The following PRKCB variants were observed in gnomAD, a reference collection of about 807,000 sequenced individuals.
PRKCB encodes protein kinase C beta type.
A neutral mutation model predicts 81.5 loss-of-function variants in PRKCB; 13 were observed. The observed-to-expected ratio is 0.16, with a 90% CI of 0.10 to 0.25. The LOEUF is 0.25. Among genes scored for constraint, PRKCB ranks in the 10% least tolerant of loss-of-function variants. The pLI is 1.00. For synonymous variants in PRKCB, 335 were observed against 321.4 expected (o/e 1.04, Z -0.45); for missense variants, 509 against 875.7 (o/e 0.58, Z 5.29).
chr16:23,983,370 T>C (rs916055654), intron 2 of PRKCB, among the ~76,000 whole-genome samples: 1 of 152,184 alleles, frequency 6.6e-6, no homozygotes, highest in Non-Finnish European at 1.5e-5. Context: ...CACATCATGC[T>C]GGGGTTCACT....
intron 2 of PRKCB, among the ~76,000 whole-genome samples, chr16:23,888,390 G>A (rs1187974447): frequency 6.6e-6 from 1 of 152,216 alleles, no homozygotes; most frequent in Non-Finnish European, 1.5e-5. Context: ...CTAGGAGATG[G>A]TGGGTCCTCA....
At chr16:24,204,839 T>C (rs1968018966) in intron 16 of PRKCB, among the ~76,000 whole-genome samples, 1 of 152,118 alleles carries the variant, frequency 6.6e-6, no homozygotes, top group South Asian at 2.1e-4. Context: ...AAATTTTTTA[T>C]GGCCAGGCAC....
At chr16:24,185,233 C>T in intron 14 of PRKCB, 42 bp downstream of exon 14, 2 of 1,540,262 alleles carry the variant, frequency 1.3e-6, no homozygotes, top group East Asian at 2.2e-5. Context: ...GTCCTCCCTA[C>T]CCCCATCCAC....
chr16:24,181,206 C>T (rs1967616278), intron 13 of PRKCB, among the ~76,000 whole-genome samples: 1 of 152,176 alleles, frequency 6.6e-6, no homozygotes, highest in Non-Finnish European at 1.5e-5. Flanking sequence ...CTTCGTCAAA[C>T]TGTTGTGGCT....
At chr16:23,987,637 G>A (rs1301031370) in intron 2 of PRKCB, among the ~76,000 whole-genome samples, 1 of 152,070 alleles carries the variant, frequency 6.6e-6, no homozygotes, top group African/African-American at 2.4e-5. Flanking sequence ...GTGTCACTAG[G>A]GATGGCCTTG....
intron 2 of PRKCB, among the ~76,000 whole-genome samples, chr16:23,884,025 C>T (rs1047683205): frequency 2.0e-5 from 3 of 152,140 alleles, no homozygotes; most frequent in Non-Finnish European, 4.4e-5. Context: ...TATTTTACTT[C>T]CCCGCATAGC....
At chr16:24,112,747 T>C (rs551304913) in intron 7 of PRKCB, among the ~76,000 whole-genome samples, 40 of 152,270 alleles carry the variant, frequency 2.6e-4, no homozygotes, top group African/African-American at 9.1e-4. Flanking sequence ...ACATTTTTTT[T>C]CTGCTGTCCA....
intron 2 of PRKCB, among the ~76,000 whole-genome samples, chr16:23,909,517 T>C (rs1328636536): frequency 6.6e-6 from 1 of 152,186 alleles, no homozygotes; most frequent in African/African-American, 2.4e-5. Flanking sequence ...TTTTATTACA[T>C]GGGTATATTG....
intron 2 of PRKCB, among the ~76,000 whole-genome samples, chr16:23,866,317 A>T (rs1413275309): frequency 6.6e-6 from 1 of 152,194 alleles, no homozygotes; most frequent in Non-Finnish European, 1.5e-5. Context: ...AGTCAGCTAG[A>T]TTTTGTGACC....
intron 16 of PRKCB, among the ~76,000 whole-genome samples, chr16:24,201,773 C>T (rs368919750): frequency 1.3e-5 from 2 of 152,226 alleles, no homozygotes; most frequent in East Asian, 1.9e-4. Flanking sequence ...TGGTGGCTCA[C>T]GCCTATAATC....
rs1457843013 is a variant in PRKCB, at chr16:24,113,430, TTC to T, written c.918+369_918+370del. Among the ~76,000 whole-genome samples the T allele has an allele frequency of 2.0e-5, 3 of 151,282 alleles. No homozygotes were observed. The East Asian group carries it at 5.8e-4, about 29-fold the overall frequency. On this transcript the variant is annotated intron_variant, in intron 8 of 16. Transcript: ENST00000643927. ...CTTTCCCTCTCATTCTTTCTTTTCT[TTC>T]TCTCTCTGTCCTTCCTTTGTTTCTT...
chr16:24,184,189 TTAAAGATC>T (rs1967668295), intron 13 of PRKCB, among the ~76,000 whole-genome samples: 1 of 152,234 alleles, frequency 6.6e-6, no homozygotes, highest in Admixed American at 6.5e-5. Context: ...ACTGGCTTTA[TTAAAGATC>T]TATTGCCCAT....
chr16:24,074,669 A>G (rs1389609749), intron 5 of PRKCB, among the ~76,000 whole-genome samples: 1 of 152,252 alleles, frequency 6.6e-6, no homozygotes. Context: ...TAGGAATGAC[A>G]TGATAAGATC....
chr16:23,988,158 A>G (rs1014985133), intron 2 of PRKCB, among the ~76,000 whole-genome samples: 1 of 152,212 alleles, frequency 6.6e-6, no homozygotes, highest in Non-Finnish European at 1.5e-5. Context: ...ACACAAGCCA[A>G]CTACTTCATC....
intron 2 of PRKCB, among the ~76,000 whole-genome samples, chr16:23,981,570 C>T (rs1567333267): frequency 8.3e-6 from 1 of 120,434 alleles, no homozygotes; most frequent in African/African-American, 3.1e-5. Flanking sequence ...TTCTTCTTTC[C>T]TTTCTTTTCC....
Position 24,009,780 on chromosome 16 carries a change from G to C in PRKCB, c.288+21190G>C, listed in dbSNP as rs138504055. 5.2e-4 allele frequency among the ~76,000 whole-genome samples: 79 copies of C among 152,030 alleles called. 1 individual carries two copies. Among genetic ancestry groups the C allele is most frequent in the Admixed American group, 5.0e-3 (76 of 15,276 alleles). Reference sequence around the variant, plus strand: ...TGTAATCCCAGCACTTTGGGAGGCCGAGGTAGGGGGGATCACTTGAGGTCA... The same window carrying C: ...TGTAATCCCAGCACTTTGGGAGGCCCAGGTAGGGGGGATCACTTGAGGTCA... On this transcript the variant is annotated intron_variant, in intron 3 of 16. Coordinates refer to ENST00000643927, the MANE Select transcript of PRKCB (RefSeq NM_002738.7).
At chr16:24,042,143 GT>G in intron 5 of PRKCB, among the ~76,000 whole-genome samples, 1 of 152,112 alleles carries the variant, frequency 6.6e-6, no homozygotes, top group East Asian at 1.9e-4. Flanking sequence ...TGTCATGGGG[GT>G]TTGTGTAATA....
rs398029038 is a variant in PRKCB at position 23,886,406 on chromosome 16, G to GTTTT, written c.205+49023_205+49026dup. 2.0e-3 allele frequency among the ~76,000 whole-genome samples: 140 copies of GTTTT among 70,218 alleles called. 15 individuals carry two copies. The highest frequency in any genetic ancestry group is 7.1e-3 in the African/African-American group (110 of 15,510). The allele number at this position is 70,218 out of a possible 152,430, so 46.1% of individuals were successfully genotyped here. On this transcript the variant is annotated intron_variant, in intron 2 of 16. Coordinates refer to ENST00000643927, the MANE Select transcript of PRKCB (RefSeq NM_002738.7). ...AGGGTTGGACTATGGTGTGTTAGGT[G>GTTTT]TTTTTTTTTTTTTTTTTTTTTTTTT...
intron 5 of PRKCB, among the ~76,000 whole-genome samples, chr16:24,037,054 T>C (rs891448317): frequency 2.6e-5 from 4 of 152,184 alleles, no homozygotes; most frequent in Non-Finnish European, 5.9e-5. Context: ...GGTGGCGCCA[T>C]CTTAGCTCAC....
Sources: allele counts gnomAD v4.1 joint callset (sites outside exome capture counted in the v4.1 genomes callset), GRCh38; gene constraint gnomAD v4.1.1; transcripts MANE v1.5; gene names NCBI Gene and HGNC (gene_info 2026-07-23, HGNC 2026-07-21).